Variants in HEATR5A observed in about 807,000 individuals in gnomAD.
The protein encoded by HEATR5A is HEAT repeat containing 5A.
A neutral mutation model predicts 218.8 loss-of-function variants in HEATR5A; 178 were observed. That is an observed-to-expected ratio of 0.81 (90% CI 0.72 to 0.92). HEATR5A has a LOEUF of 0.92. Ranked by LOEUF, HEATR5A falls within the 40% of genes least tolerant of loss-of-function variation. HEATR5A has a pLI of 0.00. For synonymous variants in HEATR5A, 864 were observed against 871.6 expected (o/e 0.99, Z 0.15); for missense variants, 2,420 against 2,418.9 (o/e 1.00, Z -0.01).
At chr14:31,416,574 C>A (rs777286856) in intron 1 of HEATR5A, among the ~76,000 whole-genome samples, 47 of 151,118 alleles carry the variant, frequency 3.1e-4, no homozygotes, top group Non-Finnish European at 6.2e-4. Flanking sequence ...TATTATGCTT[C>A]TTTTCTAGAA....
intron 30 of HEATR5A, among the ~76,000 whole-genome samples, chr14:31,307,605 T>C (rs1899595875): frequency 6.6e-6 from 1 of 152,088 alleles, no homozygotes; most frequent in Non-Finnish European, 1.5e-5. Context: ...AGACAAAGAA[T>C]AAATGCCACA....
chr14:31,399,924 T>A (rs1375630285), intron 3 of HEATR5A, among the ~76,000 whole-genome samples: 1 of 152,232 alleles, frequency 6.6e-6, no homozygotes, highest in South Asian at 2.1e-4. Flanking sequence ...ACTAAGCTGT[T>A]CTTTTTAGGA....
chr14:31,404,065 A>G (rs922703600), intron 1 of HEATR5A, among the ~76,000 whole-genome samples: 18 of 152,212 alleles, frequency 1.2e-4, no homozygotes, highest in African/African-American at 3.6e-4. Context: ...TCATTTTTCC[A>G]CATTTTAAAA....
intron 27 of HEATR5A, among the ~76,000 whole-genome samples, chr14:31,314,717 A>T (rs576039942): frequency 2.8e-4 from 42 of 152,238 alleles, no homozygotes; most frequent in African/African-American, 9.6e-4. Flanking sequence ...AGTTTATTGA[A>T]TCTAGGCACA....
intron 1 of HEATR5A, among the ~76,000 whole-genome samples, chr14:31,419,052 A>G (rs959776277): frequency 1.3e-5 from 2 of 152,206 alleles, no homozygotes; most frequent in African/African-American, 4.8e-5. Context: ...GTCAGATACA[A>G]TAATGAATAA....
rs115356875 is a variant in HEATR5A, at chr14:31,365,373, C to G, written c.1962-1075G>C. Among the ~76,000 whole-genome samples the G allele has an allele frequency of 8.9e-3, 1,349 of 151,882 alleles. 14 individuals are homozygous for G. The highest frequency in any genetic ancestry group is 0.031 in the African/African-American group (1,277 of 41,434). On this transcript the variant is annotated intron_variant, in intron 13 of 35. Transcript: ENST00000543095. ...CTTTCTTTTTTGTTTTGTTATTTTG[C>G]TTTCCGAGATGGAGTCTTGCTCTAT...
At chr14:31,300,570 C>A (rs1376738775) in intron 33 of HEATR5A, among the ~76,000 whole-genome samples, 2 of 152,050 alleles carry the variant, frequency 1.3e-5, no homozygotes, top group African/African-American at 4.8e-5. Flanking sequence ...CCTTCCGGAT[C>A]AGTCTCAGCT....
chr14:31,352,543 T>C (rs1901269176), intron 16 of HEATR5A, among the ~76,000 whole-genome samples: 1 of 152,158 alleles, frequency 6.6e-6, no homozygotes, highest in Non-Finnish European at 1.5e-5. Context: ...AGAATAGACA[T>C]GGGGATCGTG....
Position 31,302,330 on chromosome 14 carries a change from C to G in HEATR5A, c.5429G>C (p.Ser1810Thr). 6.2e-7 allele frequency: 1 copy of G among 1,602,608 alleles called. No individual in the cohort carries two copies. Among genetic ancestry groups the G allele is most frequent in the Non-Finnish European group, 8.5e-7 (1 of 1,174,440 alleles). ...ACAGTCAAGAATTGTTGTTAAGGCA[C>G]TTCGGAGAAGGTCAGTCCAAGCAGT... ...SRTAWTDLLR[S>T]ALTTILDCWD... Residue 1810 changes from serine to threonine, a missense_variant, in exon 33 of 36, where the codon AGT (serine) becomes ACT (threonine). Transcript: ENST00000543095.
At chr14:31,349,470 TTATCA>T (rs958257473) in intron 18 of HEATR5A, among the ~76,000 whole-genome samples, 1 of 152,204 alleles carries the variant, frequency 6.6e-6, no homozygotes, top group African/African-American at 2.4e-5. Flanking sequence ...TTCTTATTAC[TTATCA>T]TATATGTTTT....
At chr14:31,296,415 T>C (rs945926597) in intron 33 of HEATR5A, 2 of 191,258 alleles carry the variant, frequency 1.0e-5, no homozygotes, top group Admixed American at 1.1e-4. Flanking sequence ...GATAGGGTTG[T>C]GAAGATTAAA....
At chr14:31,389,071 T>A in intron 6 of HEATR5A, 66 bp from the exon 7 acceptor site, 1 of 1,380,436 alleles carries the variant, frequency 7.2e-7, no homozygotes, top group Admixed American at 2.4e-5. Context: ...GTTCTTGATT[T>A]GCAAAAAGCA....
At chr14:31,353,803 TTTTTG>T (rs1396367951) in intron 16 of HEATR5A, among the ~76,000 whole-genome samples, 1 of 135,350 alleles carries the variant, frequency 7.4e-6, no homozygotes, top group Non-Finnish European at 1.7e-5. Context: ...TTTAAGGCAT[TTTTTG>T]TTTTTTTTTG....
At chr14:31,318,055 A>G (rs1899968444) in intron 26 of HEATR5A, among the ~76,000 whole-genome samples, 169 bp downstream of exon 26, 1 of 152,252 alleles carries the variant, frequency 6.6e-6, no homozygotes. Flanking sequence ...ACATATCTAT[A>G]TAGTGGATTA....
At chr14:31,350,520 C>T in intron 17 of HEATR5A, 92 bp downstream of exon 17, 1 of 679,670 alleles carries the variant, frequency 1.5e-6, no homozygotes, top group Non-Finnish European at 2.5e-6. Context: ...GAAAAAAGAG[C>T]ATTTTAAAAA....
chr14:31,350,767 T>C (rs1901197272), intron 16 of HEATR5A, 50 bp from the exon 17 acceptor site: 1 of 699,064 alleles, frequency 1.4e-6, no homozygotes, highest in Non-Finnish European at 2.4e-6. Context: ...AGTTTTTGTT[T>C]GTTTGTTTGT....
At chr14:31,338,484 T>A (rs1305883242) in intron 21 of HEATR5A, among the ~76,000 whole-genome samples, 1 of 152,154 alleles carries the variant, frequency 6.6e-6, no homozygotes, top group East Asian at 1.9e-4. Context: ...ATAGGTTGTA[T>A]CTACCCATGG....
At chr14:31,372,196 CAAA>C (rs201678515) in intron 12 of HEATR5A, among the ~76,000 whole-genome samples, 4 of 75,520 alleles carry the variant, frequency 5.3e-5, no homozygotes, top group African/African-American at 4.1e-5. Context: ...AGCTTAGAAG[CAAA>C]AAAAAAAAAA....
chr14:31,395,352 C>A lies in HEATR5A; in HGVS notation c.448-4G>T. On this transcript the variant is annotated splice_polypyrimidine_tract_variant and splice_region_variant and intron_variant, in intron 4 of 35. Transcript: ENST00000543095. ...TAATCTCATATCGGCCTTGAGACTTCCAAAAAGAAAAAAAATTAAATAGGA... is the reference window on the plus strand; with the variant it reads ...TAATCTCATATCGGCCTTGAGACTTACAAAAAGAAAAAAAATTAAATAGGA... The A allele has an allele frequency of 1.4e-6, 2 of 1,467,426 alleles. No homozygotes were observed. The highest frequency in any genetic ancestry group is 1.4e-5 in the African/African-American group (1 of 70,638). The allele number at this position is 1,467,426 out of a possible 1,614,324, so 90.9% of individuals were successfully genotyped here.
Sources: allele counts gnomAD v4.1 joint callset (sites outside exome capture counted in the v4.1 genomes callset), GRCh38; gene constraint gnomAD v4.1.1; transcripts MANE v1.5; gene names NCBI Gene and HGNC (gene_info 2026-07-23, HGNC 2026-07-21).